ZNF277: variants seen among roughly 807,000 people sequenced by gnomAD.
ZNF277 encodes zinc finger protein 277, also known as nuclear receptor-interacting factor 4.
A neutral mutation model predicts 60.7 loss-of-function variants in ZNF277; 55 were observed. The ratio of observed to expected loss-of-function variants is 0.91; its 90% CI spans 0.73 to 1.13. The LOEUF (loss-of-function observed/expected upper bound fraction) is 1.13, where lower values mean the gene tolerates loss of function less well. Among genes scored for constraint, ZNF277 ranks in the 50% most tolerant of loss-of-function variants. The pLI, the probability that ZNF277 is intolerant of heterozygous loss-of-function variation, is 0.00. For synonymous variants in ZNF277, 178 were observed against 179.3 expected, an observed-to-expected ratio of 0.99 and a Z score of 0.06; for missense variants, 510 against 523.0, an observed-to-expected ratio of 0.98 and a Z score of 0.24.
intron 1 of ZNF277, among the ~76,000 whole-genome samples, chr7:112,272,899 AC>A (rs1791706444): frequency 6.6e-6 from 1 of 152,000 alleles, no homozygotes. Flanking sequence ...ACACATTTTC[AC>A]CAGGATTTGT....
chr7:112,259,741 G>A (rs1791400633), intron 1 of ZNF277, among the ~76,000 whole-genome samples: 3 of 152,162 alleles, frequency 2.0e-5, no homozygotes, highest in Non-Finnish European at 4.4e-5. Flanking sequence ...GTTAATGCAT[G>A]CACAAAAGTA....
chr7:112,229,242 G>T (rs1175412214), intron 1 of ZNF277, among the ~76,000 whole-genome samples: 2 of 152,166 alleles, frequency 1.3e-5, no homozygotes, highest in African/African-American at 2.4e-5. Context: ...AAGTAATTAT[G>T]GTTGCCCTCA....
intron 4 of ZNF277, among the ~76,000 whole-genome samples, chr7:112,302,313 A>G (rs1349849746): frequency 6.6e-6 from 1 of 152,110 alleles, no homozygotes; most frequent in African/African-American, 2.4e-5. Flanking sequence ...CACTGAGAAG[A>G]TTGTTCTTCC....
At chr7:112,294,651 T>G (rs1792285320) in intron 2 of ZNF277, among the ~76,000 whole-genome samples, 1 of 152,216 alleles carries the variant, frequency 6.6e-6, no homozygotes, top group Non-Finnish European at 1.5e-5. Flanking sequence ...ACATATTCTA[T>G]ATTCATTCAG....
intron 1 of ZNF277, among the ~76,000 whole-genome samples, chr7:112,213,184 C>T (rs1821798941): frequency 1.3e-5 from 2 of 152,322 alleles, no homozygotes; most frequent in South Asian, 4.1e-4. Flanking sequence ...AGTTTTCCTG[C>T]ACAAGCTCTC....
At chr7:112,310,490 T>A (rs879646413) in intron 4 of ZNF277, among the ~76,000 whole-genome samples, 4,282 of 99,764 alleles carry the variant, frequency 0.043, 364 homozygotes, top group African/African-American at 0.2. Context: ...TGTGTGTGTG[T>A]GTATGTATTT....
rs537640529 is a variant in ZNF277, at chr7:112,341,021, G to T, written c.1159G>T (p.Asp387Tyr). 6.2e-7 allele frequency: 1 copy of T among 1,600,142 alleles called. No homozygotes were observed. Among genetic ancestry groups the T allele is most frequent in the Middle Eastern group, 1.7e-4 (1 of 6,036 alleles). Residue 387 changes from aspartate to tyrosine, a missense_variant, in exon 11 of 12, where the codon GAT becomes TAT. Asp to Tyr is a radical substitution (Grantham distance 160). Transcript: ENST00000361822. ...EETKHTSLLPDRKTWDQLEYY... is the reference protein window; with the variant it reads ...EETKHTSLLPYRKTWDQLEYY... The stretch of plus-strand genomic sequence containing the variant: ...AACTAAACACACTTCGCTGCTCCCC[G>T]ATAGAAAGACGTGGGATCAACTGGA...
Position 112,295,950 on chromosome 7 carries a change from T to C in ZNF277, c.375T>C (p.Ala125=). 3.1e-6 allele frequency: 5 copies of C among 1,609,310 alleles called. No homozygotes were observed. Among genetic ancestry groups the C allele is most frequent in the Non-Finnish European group, 4.3e-6 (5 of 1,175,920 alleles). Residue 125 remains alanine (A), a synonymous_variant, in exon 3 of 12, where the codon GCT becomes GCC. Coordinates refer to ENST00000361822, the MANE Select transcript of ZNF277 (RefSeq NM_021994.3). ...FCSVIRINST[A]PFEEQENYFL... is the part of the protein sequence containing the mutation. ...GTGTAATAAGAATTAATTCCACTGC[T>C]CCATTTGGTAAGTGTACATCTTGGC...
intron 1 of ZNF277, among the ~76,000 whole-genome samples, chr7:112,234,750 AATT>A (rs1421685523): frequency 1.3e-5 from 2 of 151,830 alleles, no homozygotes; most frequent in Non-Finnish European, 2.9e-5. Context: ...ATAAAATTCA[AATT>A]ATTATATTTT....
At chr7:112,242,666 A>T (rs1790989273) in intron 1 of ZNF277, among the ~76,000 whole-genome samples, 2 of 152,068 alleles carry the variant, frequency 1.3e-5, no homozygotes, top group Non-Finnish European at 2.9e-5. Flanking sequence ...AAGAAATTGT[A>T]GATGACACAA....
intron 1 of ZNF277, among the ~76,000 whole-genome samples, chr7:112,211,521 A>G (rs1563192132): frequency 6.6e-6 from 1 of 152,210 alleles, no homozygotes; most frequent in African/African-American, 2.4e-5. Context: ...GTTAATGTTT[A>G]ATAAGTGTTT....
chr7:112,212,886 A>G (rs1342105725), intron 1 of ZNF277, among the ~76,000 whole-genome samples: 3 of 152,072 alleles, frequency 2.0e-5, no homozygotes, highest in African/African-American at 7.2e-5. Flanking sequence ...ACACACACAC[A>G]TTGACACTCA....
At chr7:112,328,809 G>A (rs1793159995) in intron 6 of ZNF277, among the ~76,000 whole-genome samples, 1 of 152,176 alleles carries the variant, frequency 6.6e-6, no homozygotes, top group Admixed American at 6.5e-5. Flanking sequence ...GGCACAGGTT[G>A]TAGTGAGCAG....
chr7:112,234,964 G>T (rs1822447421), intron 1 of ZNF277, among the ~76,000 whole-genome samples: 1 of 151,828 alleles, frequency 6.6e-6, no homozygotes, highest in East Asian at 1.9e-4. Context: ...TATATAGTAA[G>T]GAAATAATTT....
At position 112,336,115 on chromosome 7, in the gene ZNF277, A is replaced by C; in HGVS notation, c.813A>C (p.Lys271Asn). ...FYVINYLELG[K>N]SWEEVQLEDD... is the part of the protein sequence containing the mutation. Reference sequence around the variant, plus strand: ...TTCTTCCTACAAAGGAACTTGGAAAATCGTGGGAAGAAGTTCAGTTGGAAG... The same window carrying C: ...TTCTTCCTACAAAGGAACTTGGAAACTCGTGGGAAGAAGTTCAGTTGGAAG... The change falls in exon 8 of 12, where the codon AAA (lysine) becomes AAC (asparagine). Residue 271 changes from lysine (K) to asparagine (N), a missense_variant. Coordinates refer to ENST00000361822, the MANE Select transcript of ZNF277 (RefSeq NM_021994.3). 1 of 1,610,878 alleles carries C rather than the reference A, an allele frequency of 6.2e-7. No individual in the cohort carries two copies. Among genetic ancestry groups the C allele is most frequent in the Non-Finnish European group, 8.5e-7 (1 of 1,178,276 alleles).
intron 4 of ZNF277, among the ~76,000 whole-genome samples, chr7:112,314,445 T>A (rs1364243395): frequency 6.6e-6 from 1 of 152,112 alleles, no homozygotes; most frequent in Non-Finnish European, 1.5e-5. Context: ...GTTCTTGCTA[T>A]TCCCTATAAC....
intron 4 of ZNF277, among the ~76,000 whole-genome samples, chr7:112,301,091 CT>C (rs993413265): frequency 1.3e-5 from 2 of 151,204 alleles, no homozygotes; most frequent in African/African-American, 2.4e-5. Context: ...TCACTTTATT[CT>C]TTTTTTTTCT....
At chr7:112,327,623 C>G in intron 5 of ZNF277, 94 bp from the exon 6 acceptor site, 1 of 857,340 alleles carries the variant, frequency 1.2e-6, no homozygotes, top group Non-Finnish European at 1.9e-6. Context: ...GCTTATACCT[C>G]TAATTAGTGT....
At chr7:112,305,245 G>A (rs929493579) in intron 4 of ZNF277, among the ~76,000 whole-genome samples, 81 of 151,972 alleles carry the variant, frequency 5.3e-4, no homozygotes, top group African/African-American at 1.8e-3. Context: ...ATAATAATAA[G>A]CTCATGGCTT....
Sources: allele counts gnomAD v4.1 joint callset (sites outside exome capture counted in the v4.1 genomes callset), GRCh38; gene constraint gnomAD v4.1.1; transcripts MANE v1.5; gene names NCBI Gene and HGNC (gene_info 2026-07-23, HGNC 2026-07-21).